The following SUPT3H variants were observed in gnomAD, a reference collection of about 807,000 sequenced individuals.
SUPT3H encodes transcription initiation protein SPT3 homolog.
Under a neutral mutation model 44.3 loss-of-function variants are expected in SUPT3H, and 44 were observed. The ratio of observed to expected loss-of-function variants is 0.99; its 90% CI spans 0.78 to 1.28. SUPT3H has a LOEUF of 1.28. Among genes scored for constraint, SUPT3H ranks in the 50% most tolerant of loss-of-function variants. The pLI is 0.00. For synonymous variants in SUPT3H, 124 were observed against 125.6 expected, an observed-to-expected ratio of 0.99 and a Z score of 0.09; for missense variants, 380 against 387.1, an observed-to-expected ratio of 0.98 and a Z score of 0.15.
chr6:45,095,163 C>G lies in SUPT3H; in HGVS notation c.186+10759G>C, dbSNP rs1467813777. 6.6e-6 allele frequency among the ~76,000 whole-genome samples: 1 copy of G among 152,116 alleles called. No individual in the cohort carries two copies. The highest frequency in any genetic ancestry group is 1.9e-4 in the East Asian group (1 of 5,200). On this transcript the variant is annotated intron_variant, in intron 3 of 10. Coordinates refer to ENST00000371459, the MANE Select transcript of SUPT3H (RefSeq NM_003599.4). This position sits in a 1 kb window ranked among gnomAD's most constrained non-coding sequence, Gnocchi z 4.1. Reference sequence around the variant, plus strand: ...GTACAAAGTATGAACGTTTAGTTAGCAAGAAGACTGTTTCCATCCTATGAT... The same window carrying G: ...GTACAAAGTATGAACGTTTAGTTAGGAAGAAGACTGTTTCCATCCTATGAT...
At chr6:45,058,527 C>T (rs1791485231) in intron 3 of SUPT3H, among the ~76,000 whole-genome samples, 1 of 152,030 alleles carries the variant, frequency 6.6e-6, no homozygotes, top group African/African-American at 2.4e-5. Context: ...TTATATTATA[C>T]AGAGTGATTT....
chr6:45,232,261 G>C (rs1420119207), intron 2 of SUPT3H, among the ~76,000 whole-genome samples: 1 of 152,120 alleles, frequency 6.6e-6, no homozygotes, highest in Non-Finnish European at 1.5e-5. Flanking sequence ...GGCCCCTTTG[G>C]CTTTGATTAT....
intron 11 of SUPT3H, among the ~76,000 whole-genome samples, chr6:44,812,121 A>C (rs1766573543): frequency 2.0e-5 from 3 of 152,238 alleles, no homozygotes; most frequent in Admixed American, 1.3e-4. Context: ...ATTACTACAA[A>C]TTTAGTAGCA....
intron 3 of SUPT3H, among the ~76,000 whole-genome samples, chr6:45,073,056 T>G (rs9395063): frequency 0.53 from 79,814 of 151,878 alleles, 21,093 homozygotes; most frequent in East Asian, 0.71. Context: ...GAAATGACTT[T>G]CTCCGTTAAA....
At chr6:45,213,795 A>T (rs1435775979) in intron 2 of SUPT3H, among the ~76,000 whole-genome samples, 2 of 152,056 alleles carry the variant, frequency 1.3e-5, no homozygotes, top group African/African-American at 4.8e-5. Context: ...ATTATTCCAA[A>T]TTTTGAATTA....
At chr6:45,148,649 C>A (rs961832417) in intron 2 of SUPT3H, among the ~76,000 whole-genome samples, 3 of 152,114 alleles carry the variant, frequency 2.0e-5, no homozygotes, top group Admixed American at 6.6e-5. Context: ...TCAGATAATC[C>A]TCTTTCCATC....
At chr6:45,211,861 A>C (rs1764148445) in intron 2 of SUPT3H, among the ~76,000 whole-genome samples, 1 of 151,380 alleles carries the variant, frequency 6.6e-6, no homozygotes, top group African/African-American at 2.4e-5. Context: ...TAAAAAAAAA[A>C]AAAGAGAGAG....
At chr6:45,257,733 C>T (rs1229855150) in intron 2 of SUPT3H, among the ~76,000 whole-genome samples, 2 of 152,128 alleles carry the variant, frequency 1.3e-5, no homozygotes, top group South Asian at 2.1e-4. Context: ...GCCAAACTCA[C>T]CCTTTTATAA....
intron 6 of SUPT3H, among the ~76,000 whole-genome samples, chr6:44,966,370 C>T (rs1001507374): frequency 1.1e-4 from 16 of 150,242 alleles, no homozygotes; most frequent in Admixed American, 4.0e-4. Flanking sequence ...ACTAATAAAA[C>T]TGCTTATTCT....
At chr6:45,042,849 T>C (rs1278718426) in intron 3 of SUPT3H, among the ~76,000 whole-genome samples, 2 of 152,006 alleles carry the variant, frequency 1.3e-5, no homozygotes, top group Admixed American at 1.3e-4. Context: ...CCAAGCCAAA[T>C]GTCCAACAAT....
At chr6:45,133,823 G>A (rs1321053668) in intron 2 of SUPT3H, among the ~76,000 whole-genome samples, 2 of 152,184 alleles carry the variant, frequency 1.3e-5, no homozygotes, top group Non-Finnish European at 2.9e-5. Context: ...GGCAATATTA[G>A]TGGCACATGA....
At chr6:44,809,124 T>C (rs1353980611), downstream of SUPT3H, among the ~76,000 whole-genome samples, 1 of 152,206 alleles carries the variant, frequency 6.6e-6, no homozygotes, top group East Asian at 1.9e-4. Context: ...AAAAAACAGA[T>C]AGAGCACTGA....
chr6:45,192,968 T>C (rs1448915988), intron 2 of SUPT3H, among the ~76,000 whole-genome samples: 2 of 152,190 alleles, frequency 1.3e-5, no homozygotes, highest in East Asian at 1.9e-4. Context: ...GGTTTTGTTA[T>C]GACCAGCCCG....
intron 6 of SUPT3H, among the ~76,000 whole-genome samples, chr6:44,967,130 A>T (rs1222088485): frequency 6.6e-6 from 1 of 152,258 alleles, no homozygotes; most frequent in African/African-American, 2.4e-5. Flanking sequence ...ATTATAACAT[A>T]GGCACAAATG....
intron 11 of SUPT3H, among the ~76,000 whole-genome samples, chr6:44,821,220 C>T (rs1767289957): frequency 6.6e-6 from 1 of 152,154 alleles, no homozygotes; most frequent in Non-Finnish European, 1.5e-5. Context: ...CAGCTTTTTA[C>T]GGTGGATGCT....
At chr6:45,212,487 G>A in intron 2 of SUPT3H, among the ~76,000 whole-genome samples, 1 of 9,864 alleles carries the variant, frequency 1.0e-4, no homozygotes, top group Non-Finnish European at 1.8e-4. Context: ...CACTATGTGT[G>A]TGTGTGTGTG....
intron 5 of SUPT3H, among the ~76,000 whole-genome samples, chr6:45,005,861 T>G (rs997930966): frequency 6.6e-6 from 1 of 152,172 alleles, no homozygotes; most frequent in Non-Finnish European, 1.5e-5. Flanking sequence ...TTGTGGCCAA[T>G]TTTACAATTA....
chr6:45,137,921 T>C (rs2153587793), intron 2 of SUPT3H, among the ~76,000 whole-genome samples: 1 of 152,064 alleles, frequency 6.6e-6, no homozygotes, highest in Middle Eastern at 3.4e-3. Flanking sequence ...ATTAAGCTAA[T>C]GAAAGGACAT....
At chr6:45,207,935 ACTT>A (rs1421091314) in intron 2 of SUPT3H, among the ~76,000 whole-genome samples, 12 of 152,190 alleles carry the variant, frequency 7.9e-5, no homozygotes, top group African/African-American at 2.2e-4. Flanking sequence ...TTAAAGTTTT[ACTT>A]CTTCTACTTT....
Sources: gnomAD v4.1 joint callset for allele counts (sites outside exome capture counted in the v4.1 genomes callset) on GRCh38, gnomAD v4.1.1 for gene constraint, Gnocchi (gnomAD v3.1) non-coding constraint, MANE v1.5 for transcripts, NCBI Gene and HGNC (gene_info 2026-07-23, HGNC 2026-07-21) for gene names.